The following CMSS1 variants were observed in gnomAD, a reference collection of about 807,000 sequenced individuals.
The protein encoded by CMSS1 is protein CMSS1.
A neutral mutation model predicts 43.5 loss-of-function variants in CMSS1; 33 were observed. The ratio of observed to expected loss-of-function variants is 0.76; its 90% CI spans 0.57 to 1.01. The LOEUF is 1.01. CMSS1 is among the 50% of genes least tolerant of loss of function. CMSS1 has a pLI of 0.00. For missense variants in CMSS1, 313 were observed against 326.4 expected, an observed-to-expected ratio of 0.96 and a Z score of 0.32; for synonymous variants, 115 against 117.2, an observed-to-expected ratio of 0.98 and a Z score of 0.12.
At chr3:100,115,612 TCTCTCTCTCTC>T (rs2066558175) in intron 1 of CMSS1, among the ~76,000 whole-genome samples, 3 of 138,436 alleles carry the variant, frequency 2.2e-5, no homozygotes, top group Non-Finnish European at 4.6e-5. Flanking sequence ...TCTCTCTCTC[TCTCTCTCTCTC>T]TCTCTGTCTC....
At chr3:99,936,359 A>T (rs1707667315) in intron 1 of CMSS1, among the ~76,000 whole-genome samples, 1 of 142,986 alleles carries the variant, frequency 7.0e-6, no homozygotes, top group South Asian at 2.2e-4. Context: ...AAGGAACTGA[A>T]GCTTGAAGCC....
intron 1 of CMSS1, among the ~76,000 whole-genome samples, chr3:100,085,992 T>G (rs2107417480): frequency 6.6e-6 from 1 of 152,338 alleles, no homozygotes; most frequent in South Asian, 2.1e-4. Context: ...GACAAGTTAA[T>G]CAAATGGCTG....
chr3:100,102,675 T>C (rs1156827837), intron 1 of CMSS1, among the ~76,000 whole-genome samples: 1 of 152,208 alleles, frequency 6.6e-6, no homozygotes, highest in Non-Finnish European at 1.5e-5. Flanking sequence ...TTGCATTCAG[T>C]AGTTACTCCG....
At chr3:99,938,929 A>T (rs1707775356) in intron 1 of CMSS1, among the ~76,000 whole-genome samples, 1 of 152,226 alleles carries the variant, frequency 6.6e-6, no homozygotes, top group African/African-American at 2.4e-5. Flanking sequence ...CTAAAAAAAG[A>T]CAATTGAAAA....
At chr3:100,044,841 G>T (rs2065255030) in intron 1 of CMSS1, among the ~76,000 whole-genome samples, 3 of 152,294 alleles carry the variant, frequency 2.0e-5, no homozygotes, top group Non-Finnish European at 4.4e-5. Context: ...GTGGTTAATG[G>T]CTCCAAAACA....
intron 1 of CMSS1, among the ~76,000 whole-genome samples, chr3:99,823,385 G>A (rs903215054): frequency 1.3e-5 from 2 of 152,140 alleles, no homozygotes; most frequent in Admixed American, 6.5e-5. Context: ...CTCCAAACCT[G>A]CTTTTTCTCC....
chr3:99,842,148 C>T (rs1342249338), intron 1 of CMSS1, among the ~76,000 whole-genome samples: 11 of 152,088 alleles, frequency 7.2e-5, no homozygotes, highest in African/African-American at 2.4e-4. Context: ...GAATACTACT[C>T]GGCCATGAAA....
intron 1 of CMSS1, among the ~76,000 whole-genome samples, chr3:100,069,596 T>C (rs551912159): frequency 1.3e-5 from 2 of 152,302 alleles, no homozygotes; most frequent in Admixed American, 6.5e-5. Context: ...TTCAGTCTCC[T>C]GAGGCACCAG....
At chr3:100,174,219 C>T (rs958267966) in intron 8 of CMSS1, among the ~76,000 whole-genome samples, 1 of 152,120 alleles carries the variant, frequency 6.6e-6, no homozygotes, top group Non-Finnish European at 1.5e-5. Flanking sequence ...CTATGAGACA[C>T]AGATTTGGGA....
rs1271874030 is a variant in CMSS1, at chr3:99,849,587, G to C, written c.64+31544G>C. ...AGCCTTTTGAAAAGCCATTGTTCAT[G>C]GCTGGTCTCTGTCTTTTCTGCTAAC... On this transcript the variant is annotated intron_variant, in intron 1 of 9. Coordinates refer to ENST00000421999, the MANE Select transcript of CMSS1 (RefSeq NM_032359.4). 3 of 1,613,592 alleles carry C rather than the reference G, an allele frequency of 1.9e-6. No individual in the cohort carries two copies. In the Admixed American group the frequency reaches 5.0e-5, roughly 27 times the overall value.
chr3:99,907,103 T>G (rs1273948385), intron 1 of CMSS1, among the ~76,000 whole-genome samples: 2 of 152,210 alleles, frequency 1.3e-5, no homozygotes, highest in East Asian at 3.8e-4. Flanking sequence ...CTTCAACAAA[T>G]ACACAGAGTT....
intron 1 of CMSS1, among the ~76,000 whole-genome samples, chr3:100,124,623 C>T (rs961039086): frequency 6.6e-6 from 1 of 152,114 alleles, no homozygotes; most frequent in African/African-American, 2.4e-5. Context: ...GCAGTCCTCA[C>T]CACCCAGCAC....
At chr3:100,106,389 A>G (rs1386803349) in intron 1 of CMSS1, among the ~76,000 whole-genome samples, 3 of 152,166 alleles carry the variant, frequency 2.0e-5, no homozygotes, top group Non-Finnish European at 4.4e-5. Flanking sequence ...CCTCCCATCT[A>G]GCCAGATTTA....
At chr3:99,989,513 T>C (rs1709449676) in intron 1 of CMSS1, among the ~76,000 whole-genome samples, 1 of 152,232 alleles carries the variant, frequency 6.6e-6, no homozygotes, top group African/African-American at 2.4e-5. Flanking sequence ...CATTTCCTTA[T>C]TGGAGCTGTG....
At chr3:100,152,734 T>C (rs185945799) in intron 2 of CMSS1, among the ~76,000 whole-genome samples, 5 of 152,306 alleles carry the variant, frequency 3.3e-5, no homozygotes, top group Admixed American at 2.6e-4. Flanking sequence ...TTAGCTAGAT[T>C]ACCCTTGCCA....
At chr3:100,101,551 C>T (rs935460256) in intron 1 of CMSS1, among the ~76,000 whole-genome samples, 2 of 151,954 alleles carry the variant, frequency 1.3e-5, no homozygotes, top group Non-Finnish European at 2.9e-5. Context: ...ATAAATATAC[C>T]CTTCAAAGTA....
intron 1 of CMSS1, among the ~76,000 whole-genome samples, chr3:99,918,518 C>G (rs1707025782): frequency 6.6e-6 from 1 of 152,132 alleles, no homozygotes; most frequent in Non-Finnish European, 1.5e-5. Context: ...GTTCAGAAAA[C>G]TAAATTTCTG....
At chr3:99,849,113 A>G (rs1054251959) in intron 1 of CMSS1, 3 of 1,614,150 alleles carry the variant, frequency 1.9e-6, no homozygotes, top group East Asian at 4.5e-5. Flanking sequence ...TTAACAGGAC[A>G]TGGAGTAGAC....
rs531386635 is a variant in CMSS1, at chr3:100,058,336, C to T, written c.65-88637C>T. ...CCTACTTACAGAATGAAACTTTGTA[C>T]AATCAGATGCTTATAAACGGGTATG... On this transcript the variant is annotated intron_variant, in intron 1 of 9. Transcript: ENST00000421999. 7.3e-3 allele frequency among the ~76,000 whole-genome samples: 1,109 copies of T among 152,280 alleles called. 4 individuals are homozygous for T. Among genetic ancestry groups the T allele is most frequent in the African/African-American group, 0.01 (419 of 41,554 alleles).
Sources: gnomAD v4.1 joint callset for allele counts (sites outside exome capture counted in the v4.1 genomes callset) on GRCh38, gnomAD v4.1.1 for gene constraint, MANE v1.5 for transcripts, NCBI Gene and HGNC (gene_info 2026-07-23, HGNC 2026-07-21) for gene names.